Variants in SLC4A4 observed in about 807,000 individuals in gnomAD.
SLC4A4 encodes the protein solute carrier family 4 member 4.
Under a neutral mutation model 111.5 loss-of-function variants are expected in SLC4A4, and 27 were observed. That is an observed-to-expected ratio of 0.24 (90% CI 0.18 to 0.33). SLC4A4 has a LOEUF of 0.33. SLC4A4 is among the 10% of genes least tolerant of loss of function. SLC4A4 has a pLI of 1.00. For missense variants in SLC4A4, 909 were observed against 1,315.5 expected, an observed-to-expected ratio of 0.69 and a Z score of 4.78; for synonymous variants, 443 against 463.4, an observed-to-expected ratio of 0.96 and a Z score of 0.57.
chr4:71,106,303 G>T (rs2148949190), intron 2 of SLC4A4, among the ~76,000 whole-genome samples: 1 of 150,450 alleles, frequency 6.6e-6, no homozygotes, highest in Admixed American at 6.6e-5. Context: ...GGAGAAATAG[G>T]AACACTTTTA....
At chr4:71,373,492 A>G (rs532991130) in intron 6 of SLC4A4, among the ~76,000 whole-genome samples, 1 of 152,322 alleles carries the variant, frequency 6.6e-6, no homozygotes, top group African/African-American at 2.4e-5. Flanking sequence ...GCTAGAGAAA[A>G]GTAAAAAAGC....
intron 3 of SLC4A4, chr4:71,338,992 A>T: frequency 1.1e-5 from 15 of 1,305,276 alleles, no homozygotes; most frequent in Non-Finnish European, 1.5e-5. Flanking sequence ...CTGCTGTATG[A>T]AAAAGTGACT....
intron 13 of SLC4A4, among the ~76,000 whole-genome samples, chr4:71,467,721 A>C (rs976189940): frequency 6.6e-6 from 1 of 152,096 alleles, no homozygotes; most frequent in Non-Finnish European, 1.5e-5. Context: ...AGTTTCCCCA[A>C]GTGGCCACAT....
chr4:71,272,539 G>C (rs947026742), intron 3 of SLC4A4, among the ~76,000 whole-genome samples: 1 of 152,060 alleles, frequency 6.6e-6, no homozygotes, highest in Non-Finnish European at 1.5e-5. Context: ...TTAATCTCTT[G>C]AAAAAATGGA....
chr4:71,479,329 G>C (rs771169120), intron 14 of SLC4A4, among the ~76,000 whole-genome samples: 1 of 151,600 alleles, frequency 6.6e-6, no homozygotes, highest in Non-Finnish European at 1.5e-5. Context: ...ATACCTTTAA[G>C]TCATTCACAG....
intron 3 of SLC4A4, among the ~76,000 whole-genome samples, chr4:71,279,118 C>T (rs907939734): frequency 6.6e-6 from 1 of 152,108 alleles, no homozygotes; most frequent in Non-Finnish European, 1.5e-5. Context: ...TAGGAATTTT[C>T]AAGTATACAA....
At chr4:71,093,802 T>C (rs1466457851) in intron 2 of SLC4A4, among the ~76,000 whole-genome samples, 1 of 152,208 alleles carries the variant, frequency 6.6e-6, no homozygotes, top group Non-Finnish European at 1.5e-5. Flanking sequence ...GGTGGGTCAT[T>C]TTGCATCCTA....
chr4:71,169,459 G>A (rs1388868698), intron 2 of SLC4A4, among the ~76,000 whole-genome samples: 4 of 152,036 alleles, frequency 2.6e-5, no homozygotes, highest in African/African-American at 7.2e-5. Context: ...CGATGATGTC[G>A]AGCACCTTTT....
chr4:71,547,784 G>A lies in SLC4A4; in HGVS notation c.2694+64G>A. 7 of 1,337,128 alleles carry A rather than the reference G, an allele frequency of 5.2e-6. No homozygotes were observed. The South Asian group carries it at 8.2e-5, about 16-fold the overall frequency. The allele number at this position is 1,337,128 out of a possible 1,614,324, so 82.8% of individuals were successfully genotyped here. A position where few individuals can be genotyped will look rare whatever the true frequency, so the allele number is the denominator to read the frequency against. ...ACTGACATATAATTGGACATGTGAA[G>A]AGTGAAATTCCTCATGAGATATTTG... On this transcript the variant is annotated intron_variant, in intron 20 of 25. Coordinates refer to ENST00000264485, the MANE Select transcript of SLC4A4 (RefSeq NM_001098484.3).
Position 71,291,499 on chromosome 4 carries a change from G to A in SLC4A4, c.253+36100G>A, listed in dbSNP as rs1181478628. On this transcript the variant is annotated intron_variant, in intron 3 of 25. Transcript: ENST00000264485. ...CTGCCACCCAGGCTGGAGTGCAGTG[G>A]CAAAATCATAGCTCACTGTAGCCTG... Among the ~76,000 whole-genome samples, 3 of 151,910 alleles carry A rather than the reference G, an allele frequency of 2.0e-5. No homozygotes were observed. The East Asian group carries it at 5.8e-4, about 29-fold the overall frequency.
intron 12 of SLC4A4, among the ~76,000 whole-genome samples, chr4:71,461,231 A>C (rs1430498150): frequency 6.6e-6 from 1 of 152,174 alleles, no homozygotes. Flanking sequence ...TAATGTTGGT[A>C]AATGCTTTAT....
intron 1 of SLC4A4, among the ~76,000 whole-genome samples, chr4:71,229,969 G>A (rs1172804038): frequency 2.0e-5 from 3 of 152,050 alleles, no homozygotes; most frequent in Non-Finnish European, 2.9e-5. Flanking sequence ...GTCGCCTGGG[G>A]CTTAGAGAAT....
intron 2 of SLC4A4, among the ~76,000 whole-genome samples, chr4:71,144,079 G>A (rs1275286916): frequency 2.0e-5 from 3 of 152,138 alleles, no homozygotes; most frequent in South Asian, 2.1e-4. Context: ...TATGGTTTTA[G>A]GTCTAACATG....
At chr4:71,410,340 G>A (rs983203809) in intron 7 of SLC4A4, among the ~76,000 whole-genome samples, 1 of 152,098 alleles carries the variant, frequency 6.6e-6, no homozygotes, top group Admixed American at 6.5e-5. Context: ...AAGCCACAGG[G>A]GTGGAGCTGC....
At chr4:71,144,838 G>T (rs1338008825) in intron 2 of SLC4A4, among the ~76,000 whole-genome samples, 8 of 152,032 alleles carry the variant, frequency 5.3e-5, no homozygotes, top group Non-Finnish European at 1.2e-4. Context: ...CAGCTTAAGG[G>T]GATTTTGGAC....
At chr4:71,437,589 C>T (rs552852759) in intron 7 of SLC4A4, 2 of 522,466 alleles carry the variant, frequency 3.8e-6, no homozygotes, top group Admixed American at 2.0e-5. Context: ...GTTGAAGATC[C>T]GTTGTCTCAC....
chr4:71,113,762 G>A (rs1320567497), intron 2 of SLC4A4, among the ~76,000 whole-genome samples: 2 of 152,092 alleles, frequency 1.3e-5, no homozygotes, highest in African/African-American at 4.8e-5. Flanking sequence ...GAAATTACTG[G>A]ATTGGTATCC....
chr4:71,552,962 G>T (rs965670665), intron 20 of SLC4A4, among the ~76,000 whole-genome samples: 2 of 151,848 alleles, frequency 1.3e-5, no homozygotes, highest in South Asian at 4.1e-4. Flanking sequence ...ATTTTGTGAT[G>T]AATTTTTAAG....
chr4:71,090,472 C>A (rs192459426), intron 1 of SLC4A4, among the ~76,000 whole-genome samples: 1 of 152,114 alleles, frequency 6.6e-6, no homozygotes, highest in African/African-American at 2.4e-5. Flanking sequence ...AGAAATCACC[C>A]GTCTTCTGCA....
Sources: allele counts gnomAD v4.1 joint callset (sites outside exome capture counted in the v4.1 genomes callset), GRCh38; gene constraint gnomAD v4.1.1; transcripts MANE v1.5; gene names NCBI Gene and HGNC (gene_info 2026-07-23, HGNC 2026-07-21).